GBP6: variants seen among roughly 807,000 people sequenced by gnomAD.
The protein encoded by GBP6 is guanylate binding protein family member 6, also known as guanylate-binding protein 6.
Under a neutral mutation model 61.5 loss-of-function variants are expected in GBP6, and 54 were observed. That is an observed-to-expected ratio of 0.88 (90% CI 0.71 to 1.10). The LOEUF is 1.10. GBP6 is among the 50% of genes least tolerant of loss of function. The pLI, the probability that GBP6 is intolerant of heterozygous loss-of-function variation, is 0.00. For synonymous variants in GBP6, 255 were observed against 273.7 expected (o/e 0.93, Z 0.67); for missense variants, 748 against 752.8 (o/e 0.99, Z 0.07).
chr1:89,380,198 T>G (rs1448999412), intron 5 of GBP6, among the ~76,000 whole-genome samples, 188 bp from the exon 6 acceptor site: 1 of 152,184 alleles, frequency 6.6e-6, no homozygotes, highest in Non-Finnish European at 1.5e-5. Context: ...AGGATTTTAC[T>G]AAAAAATAGC....
Position 89,368,630 on chromosome 1 carries a change from G to A in GBP6, c.79G>A (p.Ala27Thr), listed in dbSNP as rs1176604086. The A allele has an allele frequency of 1.2e-6, 2 of 1,614,198 alleles. No individual in the cohort carries two copies. Among genetic ancestry groups the A allele is most frequent in the Non-Finnish European group, 1.7e-6 (2 of 1,180,014 alleles). The part of the protein sequence containing the change: ...NNEQLLVNQQ[A>T]IQILEKISQP... ...TGAGCAGCTATTGGTGAACCAGCAA[G>A]CTATACAGATTCTTGAAAAGATTTC... is the stretch of plus-strand genomic sequence containing the variant. Residue 27 changes from alanine to threonine, a missense_variant, in exon 2 of 11, where the codon GCT (alanine) becomes ACT (threonine). Ala to Thr is a moderately conservative substitution (Grantham distance 58). Transcript: ENST00000370456.
chr1:89,382,934 C>A, intron 8 of GBP6, 58 bp downstream of exon 8: 1 of 1,128,672 alleles, frequency 8.9e-7, no homozygotes, highest in Admixed American at 1.8e-5. Flanking sequence ...GAGTCTTCAG[C>A]ACCAGCCGTG....
Position 89,385,425 on chromosome 1 carries a change from A to G in GBP6, c.1858A>G (p.Lys620Glu). The change falls in exon 11 of 11, where the codon AAA becomes GAA. Residue 620 changes from lysine to glutamate, a missense_variant. By Grantham distance (56) the Lys-to-Glu change is moderately conservative (BLOSUM62 1). Transcript: ENST00000370456. ...APAKLIGHGV[K>E]GVSSLFKKHK... is the part of the protein sequence containing the mutation. ...TGCTAAATTAATTGGTCATGGTGTC[A>G]AAGGTGTGAGCTCACTCTTTAAAAA... 1 of 1,614,162 alleles carries G rather than the reference A, an allele frequency of 6.2e-7. No homozygotes were observed. Among genetic ancestry groups the G allele is most frequent in the Non-Finnish European group, 8.5e-7 (1 of 1,179,986 alleles).
At chr1:89,368,820 C>A (rs2100657849) in intron 2 of GBP6, 79 bp downstream of exon 2, 1 of 1,345,480 alleles carries the variant, frequency 7.4e-7, no homozygotes, top group Non-Finnish European at 1.0e-6. Context: ...CCCCAGAGCA[C>A]ATGAAGGTAG....
intron 3 of GBP6, among the ~76,000 whole-genome samples, chr1:89,373,684 A>T (rs1557538717): frequency 6.6e-6 from 1 of 152,126 alleles, no homozygotes. Flanking sequence ...AGGAGCAGGG[A>T]GGGATAGCAT....
At chr1:89,383,522 A>G (rs1653047732) in intron 8 of GBP6, 130 bp from the exon 9 acceptor site, 5 of 660,698 alleles carry the variant, frequency 7.6e-6, no homozygotes, top group Non-Finnish European at 1.3e-5. Flanking sequence ...GAGCCCGCAC[A>G]CTTTGTAGGG....
intron 3 of GBP6, among the ~76,000 whole-genome samples, chr1:89,373,283 A>T (rs997162661): frequency 1.3e-5 from 2 of 152,244 alleles, no homozygotes; most frequent in African/African-American, 4.8e-5. Context: ...TAGAACTAGA[A>T]ATACCATTTG....
intron 3 of GBP6, among the ~76,000 whole-genome samples, chr1:89,377,298 C>G (rs1338107042): frequency 6.6e-6 from 1 of 152,172 alleles, no homozygotes; most frequent in Non-Finnish European, 1.5e-5. Flanking sequence ...AAACTCTATT[C>G]TTATTGCAAA....
At chr1:89,384,385 T>TGGTGATGTG in intron 10 of GBP6, 99 bp downstream of exon 10, 1 of 919,294 alleles carries the variant, frequency 1.1e-6, no homozygotes, top group Non-Finnish European at 1.6e-6. Flanking sequence ...AGGAAGCACA[T>TGGTGATGTG]CACCATTTGC....
intron 8 of GBP6, 87 bp from the exon 9 acceptor site, chr1:89,383,565 G>T: frequency 1.0e-6 from 1 of 1,000,342 alleles, no homozygotes; most frequent in Non-Finnish European, 1.5e-6. Context: ...TAAAGCAAAA[G>T]TTACAAGACC....
chr1:89,380,061 C>T (rs1028746025), intron 5 of GBP6, among the ~76,000 whole-genome samples: 5 of 152,130 alleles, frequency 3.3e-5, no homozygotes, highest in Non-Finnish European at 7.4e-5. Flanking sequence ...TCACTTGAGC[C>T]TAGGAAATCA....
At position 89,387,096 on chromosome 1, in the gene GBP6, A is replaced by G. The variant is rs1653164437; in HGVS notation, c.*1627A>G. 6.6e-6 allele frequency among the ~76,000 whole-genome samples: 1 copy of G among 152,206 alleles called. No homozygotes were observed. The highest frequency in any genetic ancestry group is 6.5e-5 in the Admixed American group (1 of 15,278). ...CATAGCCTTGATCTGAGCTAATTTC[A>G]GACCCTGAACTCAGTTGGAGTGGAG... On this transcript the variant is annotated 3_prime_UTR_variant, in exon 11 of 11. Transcript: ENST00000370456.
At chr1:89,369,340 G>T (rs1050545033) in intron 2 of GBP6, among the ~76,000 whole-genome samples, 11 of 152,174 alleles carry the variant, frequency 7.2e-5, no homozygotes, top group African/African-American at 2.7e-4. Context: ...TCTCCATTTT[G>T]AGCCGTTACT....
chr1:89,373,647 A>C (rs777672807), intron 3 of GBP6, among the ~76,000 whole-genome samples: 96 of 152,212 alleles, frequency 6.3e-4, no homozygotes, highest in Non-Finnish European at 9.6e-4. Context: ...GGGGAACATC[A>C]CACACCAGGG....
At chr1:89,380,301 G>A in intron 5 of GBP6, 85 bp from the exon 6 acceptor site, 1 of 1,237,636 alleles carries the variant, frequency 8.1e-7, no homozygotes, top group Non-Finnish European at 1.2e-6. Context: ...ATGGCAAAAA[G>A]ACAATACACC....
chr1:89,366,258 T>C (rs1652463838), intron 1 of GBP6, among the ~76,000 whole-genome samples: 2 of 152,332 alleles, frequency 1.3e-5, no homozygotes, highest in Middle Eastern at 3.4e-3. Flanking sequence ...GTATTGTTAT[T>C]CTTATTCTTT....
At chr1:89,365,727 T>C (rs1044668585) in intron 1 of GBP6, among the ~76,000 whole-genome samples, 1 of 152,210 alleles carries the variant, frequency 6.6e-6, no homozygotes, top group South Asian at 2.1e-4. Flanking sequence ...ATGTCTCGTT[T>C]TATTATCAAA....
chr1:89,380,137 C>T (rs557130299), intron 5 of GBP6, among the ~76,000 whole-genome samples: 18 of 151,922 alleles, frequency 1.2e-4, no homozygotes, highest in South Asian at 6.2e-4. Context: ...GACCTCGTTT[C>T]GAAAAAACAA....
chr1:89,384,423 T>C, intron 10 of GBP6, 137 bp downstream of exon 10: 2 of 640,210 alleles, frequency 3.1e-6, no homozygotes, highest in South Asian at 5.0e-5. Flanking sequence ...AAGCCCTGAA[T>C]CCTTTTTTTC....
Sources: allele counts gnomAD v4.1 joint callset (sites outside exome capture counted in the v4.1 genomes callset), GRCh38; gene constraint gnomAD v4.1.1; transcripts MANE v1.5; gene names NCBI Gene and HGNC (gene_info 2026-07-23, HGNC 2026-07-21).